Variants in DNM3 observed in about 807,000 individuals in gnomAD.
DNM3 encodes dynamin-3.
Under a neutral mutation model 101.6 loss-of-function variants are expected in DNM3, and 47 were observed. That is an observed-to-expected ratio of 0.46 (90% CI 0.37 to 0.59). The LOEUF (loss-of-function observed/expected upper bound fraction) is 0.59. DNM3 is among the 20% of genes least tolerant of loss of function. DNM3 has a pLI of 0.00. For synonymous variants in DNM3, 385 were observed against 387.9 expected, an observed-to-expected ratio of 0.99 and a Z score of 0.09; for missense variants, 849 against 1,085.7, an observed-to-expected ratio of 0.78 and a Z score of 3.06.
intron 2 of DNM3, among the ~76,000 whole-genome samples, chr1:171,986,068 A>G (rs945180253): frequency 8.5e-5 from 13 of 152,164 alleles, no homozygotes; most frequent in Admixed American, 4.6e-4. Flanking sequence ...GTTACCCAAT[A>G]GTGGATGGGT....
intron 1 of DNM3, among the ~76,000 whole-genome samples, chr1:171,888,626 G>A (rs1404489480): frequency 1.3e-5 from 2 of 152,142 alleles, no homozygotes; most frequent in African/African-American, 4.8e-5. Flanking sequence ...TAATACAACA[G>A]TGCTGTGTGG....
At chr1:172,050,237 C>G (rs1055068923) in intron 10 of DNM3, among the ~76,000 whole-genome samples, 1 of 152,144 alleles carries the variant, frequency 6.6e-6, no homozygotes, top group East Asian at 1.9e-4. Flanking sequence ...TTAAAGCTCT[C>G]TTAATTGATC....
chr1:172,262,948 G>A (rs984352396), intron 15 of DNM3, among the ~76,000 whole-genome samples: 7 of 152,124 alleles, frequency 4.6e-5, no homozygotes, highest in Admixed American at 1.3e-4. Context: ...CCATCCAGTG[G>A]CAAAAGTTAG....
intron 1 of DNM3, among the ~76,000 whole-genome samples, chr1:171,889,937 G>A (rs79842112): frequency 0.011 from 1,737 of 152,226 alleles, 19 homozygotes; most frequent in Non-Finnish European, 0.02. Context: ...ACATCTAGGT[G>A]TGTTGTAGCT....
At chr1:172,017,721 T>A (rs541863979) in intron 4 of DNM3, among the ~76,000 whole-genome samples, 1 of 152,310 alleles carries the variant, frequency 6.6e-6, no homozygotes, top group Non-Finnish European at 1.5e-5. Context: ...CAGTTGATTA[T>A]GTTGCTTTTT....
intron 13 of DNM3, among the ~76,000 whole-genome samples, chr1:172,127,953 C>T (rs1402965589): frequency 6.6e-6 from 1 of 152,126 alleles, no homozygotes. Context: ...CTTGTCCCAC[C>T]ACCACACTGG....
chr1:171,894,223 G>T (rs1465461119), intron 1 of DNM3, among the ~76,000 whole-genome samples: 1 of 152,118 alleles, frequency 6.6e-6, no homozygotes, highest in Non-Finnish European at 1.5e-5. Context: ...CTCCCAAAGT[G>T]CTGGGATTAC....
At chr1:172,159,144 A>G (rs1222937928) in intron 14 of DNM3, among the ~76,000 whole-genome samples, 2 of 152,002 alleles carry the variant, frequency 1.3e-5, no homozygotes, top group Non-Finnish European at 2.9e-5. Flanking sequence ...TTATTTATTA[A>G]TTACTGCCTC....
intron 1 of DNM3, among the ~76,000 whole-genome samples, chr1:171,844,518 T>C (rs1392516162): frequency 6.6e-6 from 1 of 152,244 alleles, no homozygotes; most frequent in Non-Finnish European, 1.5e-5. Flanking sequence ...CACCAATGAA[T>C]GAATTCGGAT....
chr1:171,983,585 G>C (rs753618257), intron 2 of DNM3, among the ~76,000 whole-genome samples: 2 of 152,046 alleles, frequency 1.3e-5, no homozygotes, highest in Non-Finnish European at 1.5e-5. Flanking sequence ...GGAAAACCCA[G>C]GGCCTGGTAC....
intron 10 of DNM3, among the ~76,000 whole-genome samples, chr1:172,050,206 C>A (rs1167587175): frequency 6.6e-6 from 1 of 152,190 alleles, no homozygotes; most frequent in Non-Finnish European, 1.5e-5. Context: ...CAGAATGCAA[C>A]CTATCGTGTC....
At chr1:172,330,360 A>G (rs948514541) in intron 17 of DNM3, among the ~76,000 whole-genome samples, 13 of 152,140 alleles carry the variant, frequency 8.5e-5, no homozygotes, top group Non-Finnish European at 1.8e-4. Context: ...ATAAATTAAC[A>G]AAACATTGTG....
chr1:171,893,641 G>A (rs962411674), intron 1 of DNM3, among the ~76,000 whole-genome samples: 2 of 151,958 alleles, frequency 1.3e-5, no homozygotes, highest in Non-Finnish European at 2.9e-5. Context: ...TTTTTGTAGA[G>A]ATGAGGTCTC....
At chr1:172,367,115 G>T (rs2068060237) in intron 17 of DNM3, among the ~76,000 whole-genome samples, 1 of 151,644 alleles carries the variant, frequency 6.6e-6, no homozygotes, top group African/African-American at 2.4e-5. Flanking sequence ...AAAGTGTTAA[G>T]TCACAGATAA....
chr1:171,889,617 G>T (rs1369852739), intron 1 of DNM3, among the ~76,000 whole-genome samples: 1 of 152,112 alleles, frequency 6.6e-6, no homozygotes, highest in African/African-American at 2.4e-5. Flanking sequence ...GTATGATAGC[G>T]TCAGAGAGGC....
chr1:172,235,934 A>C (rs1246417918), intron 14 of DNM3, among the ~76,000 whole-genome samples: 1 of 152,176 alleles, frequency 6.6e-6, no homozygotes, highest in Non-Finnish European at 1.5e-5. Flanking sequence ...AACATGACAC[A>C]TGTATACATA....
intron 1 of DNM3, among the ~76,000 whole-genome samples, chr1:171,872,467 G>A (rs72713717): frequency 3.5e-4 from 54 of 152,172 alleles, no homozygotes; most frequent in Non-Finnish European, 7.5e-4. Flanking sequence ...TAGGCATATT[G>A]GACCTTAGAT....
chr1:171,875,071 G>A (rs898771901), intron 1 of DNM3, among the ~76,000 whole-genome samples: 1 of 152,060 alleles, frequency 6.6e-6, no homozygotes, highest in East Asian at 1.9e-4. Flanking sequence ...ATTTACTGTT[G>A]ATGGGCACCC....
At chr1:171,943,013 G>A (rs1171308628) in intron 2 of DNM3, among the ~76,000 whole-genome samples, 1 of 152,156 alleles carries the variant, frequency 6.6e-6, no homozygotes, top group Non-Finnish European at 1.5e-5. Context: ...TCAGGAGGCT[G>A]AGGTCAGGGG....
Sources: allele counts gnomAD v4.1 joint callset (sites outside exome capture counted in the v4.1 genomes callset), GRCh38; gene constraint gnomAD v4.1.1; transcripts MANE v1.5; gene names NCBI Gene and HGNC (gene_info 2026-07-23, HGNC 2026-07-21).